Variants in DOCK9 observed in about 807,000 individuals in gnomAD.
DOCK9 encodes dedicator of cytokinesis 9.
A neutral mutation model predicts 263.3 loss-of-function variants in DOCK9; 89 were observed. That is an observed-to-expected ratio of 0.34 (90% confidence interval 0.28 to 0.40). The LOEUF is 0.40. Ranked by LOEUF, DOCK9 falls within the 10% of genes least tolerant of loss-of-function variation. The pLI, the probability that DOCK9 is intolerant of heterozygous loss-of-function variation, is 1.00. For synonymous variants in DOCK9, 976 were observed against 973.1 expected, an observed-to-expected ratio of 1.00 and a Z score of -0.06; for missense variants, 2,140 against 2,603.4, an observed-to-expected ratio of 0.82 and a Z score of 3.87.
chr13:98,820,730 T>C (rs553654643), intron 45 of DOCK9: 73 of 401,466 alleles, frequency 1.8e-4, no homozygotes, highest in South Asian at 1.3e-3. Context: ...ACGCCTTTCT[T>C]CTCCAGATAT....
At chr13:99,086,160 C>A in intron 1 of DOCK9, 11 of 1,418,796 alleles carry the variant, frequency 7.8e-6, no homozygotes, top group Non-Finnish European at 9.2e-6. Context: ...GCGCCCGGCC[C>A]GGGGCCCGCA....
At chr13:99,002,665 C>T (rs1367141068) in intron 1 of DOCK9, among the ~76,000 whole-genome samples, 4 of 152,184 alleles carry the variant, frequency 2.6e-5, no homozygotes, top group Non-Finnish European at 5.9e-5. Context: ...TCATCTTTTT[C>T]TCACTCTTCC....
At chr13:98,880,766 G>C in intron 25 of DOCK9, 94 bp from the exon 26 acceptor site, 9 of 1,465,410 alleles carry the variant, frequency 6.1e-6, no homozygotes, top group Non-Finnish European at 8.3e-6. Context: ...CAGGGACTGA[G>C]CTACAATATC....
intron 35 of DOCK9, among the ~76,000 whole-genome samples, chr13:98,851,127 A>G (rs1184271881): frequency 6.6e-6 from 1 of 152,212 alleles, no homozygotes; most frequent in Non-Finnish European, 1.5e-5. Flanking sequence ...ACAATTTCAC[A>G]TAGATTGTGC....
Position 98,914,325 on chromosome 13 carries a change from T to C in DOCK9, c.960+3A>G. 2 of 1,607,338 alleles carry C rather than the reference T, an allele frequency of 1.2e-6. No homozygotes were observed. Among genetic ancestry groups the C allele is most frequent in the Non-Finnish European group, 1.7e-6 (2 of 1,176,944 alleles). ...AAGAGCAGAAGATATAAGACGATGT[T>C]ACCTTGGCAAGTTCCGGCAGGTAGC... On this transcript the variant is annotated splice_donor_region_variant and intron_variant, in intron 9 of 52. Coordinates refer to ENST00000682017, the MANE Select transcript of DOCK9 (RefSeq NM_001366683.2).
intron 45 of DOCK9, among the ~76,000 whole-genome samples, chr13:98,813,302 G>C (rs1031604541): frequency 2.6e-5 from 4 of 152,090 alleles, no homozygotes; most frequent in African/African-American, 7.2e-5. Context: ...CCAATTTTAG[G>C]GGCAAAGCAT....
Position 98,950,844 on chromosome 13 carries a change from G to C in DOCK9, c.243+4591C>G, listed in dbSNP as rs149542612. On this transcript the variant is annotated intron_variant, in intron 2 of 52. Coordinates refer to ENST00000682017, the MANE Select transcript of DOCK9 (RefSeq NM_001366683.2). ...TGAAGATGCCGTCGGTTAATCGCAG[G>C]GTTAACAATGTCCCCACCAACAGGA... 3.2e-3 allele frequency among the ~76,000 whole-genome samples: 487 copies of C among 152,222 alleles called. 10 individuals carry two copies. In the South Asian group the frequency reaches 0.047, roughly 15 times the overall value.
intron 1 of DOCK9, among the ~76,000 whole-genome samples, chr13:98,968,024 T>C (rs1352863207): frequency 2.0e-5 from 3 of 152,000 alleles, no homozygotes; most frequent in African/African-American, 7.3e-5. Context: ...AAATGACAGC[T>C]TTTTAGTTTG....
At chr13:98,917,219 C>A (rs566711335) in intron 7 of DOCK9, among the ~76,000 whole-genome samples, 1 of 152,244 alleles carries the variant, frequency 6.6e-6, no homozygotes, top group South Asian at 2.1e-4. Context: ...AAACAGGCAG[C>A]AAAACTCTCT....
At chr13:99,025,410 G>A (rs1159422118) in intron 1 of DOCK9, 1 of 152,164 alleles carries the variant, frequency 6.6e-6, no homozygotes, top group Non-Finnish European at 1.5e-5. Flanking sequence ...ATAAGCAAGT[G>A]AAGAATCATT....
intron 39 of DOCK9, chr13:98,833,123 C>G (rs1319745072): frequency 2.7e-5 from 4 of 147,598 alleles, no homozygotes; most frequent in Non-Finnish European, 5.9e-5. Context: ...ATTTAATGAG[C>G]AGAAAGTGGG....
intron 1 of DOCK9, among the ~76,000 whole-genome samples, chr13:99,000,917 A>G (rs1448999191): frequency 1.3e-5 from 2 of 152,344 alleles, no homozygotes; most frequent in East Asian, 3.9e-4. Context: ...AGTGGAGCTC[A>G]GGAGCACCTA....
At chr13:98,899,035 G>A (rs1438760997) in intron 13 of DOCK9, among the ~76,000 whole-genome samples, 13 of 148,820 alleles carry the variant, frequency 8.7e-5, no homozygotes, top group Non-Finnish European at 5.9e-5. Context: ...ACAGTGAAGG[G>A]TCTTTTACAT....
chr13:98,983,799 T>C (rs1305774312), intron 1 of DOCK9, among the ~76,000 whole-genome samples: 2 of 151,968 alleles, frequency 1.3e-5, no homozygotes, highest in African/African-American at 2.4e-5. Context: ...GTATTTTCAG[T>C]AGAGACAGAG....
At chr13:98,922,254 T>A (rs894222031) in intron 5 of DOCK9, 108 bp from the exon 6 acceptor site, 1 of 752,884 alleles carries the variant, frequency 1.3e-6, no homozygotes, top group Non-Finnish European at 2.2e-6. Flanking sequence ...AGTTGTCCAT[T>A]GCCCCTTTAC....
At chr13:98,812,654 A>G (rs1594244886) in intron 45 of DOCK9, among the ~76,000 whole-genome samples, 1 of 152,408 alleles carries the variant, frequency 6.6e-6, no homozygotes, top group African/African-American at 2.4e-5. Flanking sequence ...TAGTTTAAAA[A>G]TAGGCCAGGT....
chr13:98,962,244 A>T (rs1305670090), intron 1 of DOCK9, among the ~76,000 whole-genome samples: 1 of 152,226 alleles, frequency 6.6e-6, no homozygotes, highest in Non-Finnish European at 1.5e-5. Flanking sequence ...AGGTTCATTG[A>T]TAAAAATGTG....
chr13:98,888,660 T>C lies in DOCK9; in HGVS notation c.1761A>G (p.Thr587=). The change falls in exon 16 of 53, where the codon ACA becomes ACG. Residue 587 remains threonine (T), a synonymous_variant. Coordinates refer to ENST00000682017, the MANE Select transcript of DOCK9 (RefSeq NM_001366683.2). ...LPVILGNLDI[T]IDNVSSDFPN... ...GGAAGTCTGAGGAAACATTATCAAT[T>C]GTAATGTCTAGATTGCCTAAAATCA... 1.2e-6 allele frequency: 2 copies of C among 1,613,814 alleles called. No homozygotes were observed. The highest frequency in any genetic ancestry group is 2.7e-5 in the African/African-American group (2 of 75,044).
At position 98,888,796 on chromosome 13, in the gene DOCK9, T is replaced by C. The variant is rs913371196; in HGVS notation, c.1710-85A>G. On this transcript the variant is annotated intron_variant, in intron 15 of 52. Transcript: ENST00000682017. ...TAGAGCAGCACTTCCAAGAGAAATA[T>C]AAAGCAAGCCATAAAGACAATTTTA... The C allele has an allele frequency of 1.1e-5, 13 of 1,163,600 alleles. No individual in the cohort carries two copies. The African/African-American group carries it at 1.5e-4, about 14-fold the overall frequency. 72.1% of individuals were successfully genotyped at this position (1,163,600 alleles called of 1,614,324 possible).
Sources: allele counts gnomAD v4.1 joint callset (sites outside exome capture counted in the v4.1 genomes callset), GRCh38; gene constraint gnomAD v4.1.1; transcripts MANE v1.5; gene names NCBI Gene and HGNC (gene_info 2026-07-23, HGNC 2026-07-21).